CHODL: variants seen among roughly 807,000 people sequenced by gnomAD.
CHODL encodes transmembrane protein MT75.
CHODL carries 29 observed loss-of-function variants against 34.5 expected under a neutral mutation model. The ratio of observed to expected loss-of-function variants is 0.84; its 90% confidence interval spans 0.63 to 1.15. The LOEUF is 1.15. Among genes scored for constraint, CHODL ranks in the 50% most tolerant of loss-of-function variants. CHODL has a pLI of 0.00. For missense variants in CHODL, 332 were observed against 332.5 expected (o/e 1.00, Z 0.01); for synonymous variants, 125 against 116.1 (o/e 1.08, Z -0.49).
At chr21:17,989,953 A>G (rs1340954040) in intron 1 of CHODL, among the ~76,000 whole-genome samples, 2 of 152,140 alleles carry the variant, frequency 1.3e-5, no homozygotes, top group Non-Finnish European at 2.9e-5. Flanking sequence ...TAACATAACA[A>G]GAGACAGAGT....
At chr21:17,976,141 C>T (rs569470393) in intron 1 of CHODL, among the ~76,000 whole-genome samples, 18 of 152,002 alleles carry the variant, frequency 1.2e-4, no homozygotes, top group Non-Finnish European at 1.5e-4. Flanking sequence ...CATGGTGGCT[C>T]ATGCATGTAG....
intron 4 of CHODL, 82 bp from the exon 5 acceptor site, chr21:18,262,708 AT>A (rs1040235695): frequency 2.5e-6 from 2 of 791,742 alleles, no homozygotes; most frequent in Non-Finnish European, 4.2e-6. Flanking sequence ...TTTCACCTGA[AT>A]TTTTTGAAAC....
chr21:17,940,604 C>G (rs985303163), intron 1 of CHODL, among the ~76,000 whole-genome samples: 2 of 152,134 alleles, frequency 1.3e-5, no homozygotes, highest in African/African-American at 4.8e-5. Flanking sequence ...TTTTCTTGAC[C>G]TGGAGGGGAG....
chr21:18,043,649 C>G (rs1190373612), intron 2 of CHODL, among the ~76,000 whole-genome samples: 2 of 151,886 alleles, frequency 1.3e-5, no homozygotes, highest in Non-Finnish European at 2.9e-5. Context: ...CATACTCATG[C>G]TACTTTCCTG....
intron 2 of CHODL, among the ~76,000 whole-genome samples, chr21:18,208,693 C>T (rs557253196): frequency 2.0e-5 from 3 of 152,218 alleles, no homozygotes; most frequent in South Asian, 4.2e-4. Context: ...TTGGTCACTG[C>T]AGCCATATCT....
rs542750147 is a variant in CHODL, at chr21:18,256,562, T to A, written c.133T>A (p.Phe45Ile). 8.7e-6 allele frequency: 14 copies of A among 1,613,922 alleles called. No individual in the cohort carries two copies. In the African/African-American group the frequency reaches 1.9e-4, roughly 22 times the overall value. The part of the protein sequence containing the change: ...FKHPCYKMAY[F>I]HELSSRVSFQ... Reference sequence around the variant, plus strand: ...GCATCCCTGCTACAAAATGGCCTACTTCCATGAACTGTCCAGCCGAGTGAG... The same window carrying A: ...GCATCCCTGCTACAAAATGGCCTACATCCATGAACTGTCCAGCCGAGTGAG... Residue 45 changes from phenylalanine to isoleucine, a missense_variant, in exon 2 of 6, where the codon TTC (phenylalanine) becomes ATC (isoleucine). Phe to Ile is a conservative substitution (Grantham distance 21). Transcript: ENST00000299295.
At chr21:18,248,251 A>G (rs1781437598) in intron 1 of CHODL, among the ~76,000 whole-genome samples, 1 of 151,860 alleles carries the variant, frequency 6.6e-6, no homozygotes, top group African/African-American at 2.4e-5. Flanking sequence ...GGTGGTGAAC[A>G]GTAGCACATA....
chr21:17,992,327 T>C (rs2063803748), intron 1 of CHODL, among the ~76,000 whole-genome samples: 1 of 152,170 alleles, frequency 6.6e-6, no homozygotes, highest in Admixed American at 6.5e-5. Flanking sequence ...TCCATACAAA[T>C]TTTCTATTTC....
At chr21:18,118,920 C>T (rs1253411504) in intron 2 of CHODL, among the ~76,000 whole-genome samples, 1 of 152,186 alleles carries the variant, frequency 6.6e-6, no homozygotes, top group Non-Finnish European at 1.5e-5. Flanking sequence ...TGTCTTCCTT[C>T]CATCTCCTAG....
intron 2 of CHODL, among the ~76,000 whole-genome samples, chr21:18,139,210 T>C (rs1021511782): frequency 6.6e-5 from 10 of 151,808 alleles, no homozygotes; most frequent in Non-Finnish European, 4.4e-5. Flanking sequence ...GCAGTGTAGG[T>C]AGAAATTTTT....
At chr21:17,968,772 T>A (rs1004998690) in intron 1 of CHODL, among the ~76,000 whole-genome samples, 1 of 152,212 alleles carries the variant, frequency 6.6e-6, no homozygotes, top group Admixed American at 6.5e-5. Context: ...GGTATTTCTC[T>A]TAGTTGGATG....
chr21:18,098,636 T>A (rs1295406215), intron 2 of CHODL, among the ~76,000 whole-genome samples: 1 of 152,062 alleles, frequency 6.6e-6, no homozygotes, highest in Non-Finnish European at 1.5e-5. Context: ...GCAATGTAAA[T>A]TATTACAACC....
At chr21:18,146,042 C>A (rs2072882961) in intron 2 of CHODL, among the ~76,000 whole-genome samples, 1 of 152,042 alleles carries the variant, frequency 6.6e-6, no homozygotes, top group Non-Finnish European at 1.5e-5. Flanking sequence ...AATCTCGGAT[C>A]ATTGCAACCT....
At chr21:18,027,376 AAAT>A (rs922733857) in intron 1 of CHODL, among the ~76,000 whole-genome samples, 8 of 152,204 alleles carry the variant, frequency 5.3e-5, no homozygotes, top group Non-Finnish European at 1.5e-5. Flanking sequence ...GTATGGATCT[AAAT>A]AATTCTCTTC....
intron 2 of CHODL, among the ~76,000 whole-genome samples, chr21:18,226,843 A>G (rs56099389): frequency 0.09 from 13,702 of 152,182 alleles, 838 homozygotes; most frequent in African/African-American, 0.17. Context: ...TGATGGTTAC[A>G]CAGAAAAAGC....
intron 2 of CHODL, among the ~76,000 whole-genome samples, chr21:18,173,603 G>A (rs900536021): frequency 6.6e-6 from 1 of 152,036 alleles, no homozygotes; most frequent in African/African-American, 2.4e-5. Context: ...TGCTTAGGTT[G>A]GGGATTTGCT....
At chr21:18,158,399 G>A (rs1304318158) in intron 2 of CHODL, among the ~76,000 whole-genome samples, 1 of 152,166 alleles carries the variant, frequency 6.6e-6, no homozygotes, top group Non-Finnish European at 1.5e-5. Context: ...TTTGCGAGGT[G>A]TAACACAGAA....
chr21:18,232,007 G>A (rs534382785), intron 2 of CHODL, among the ~76,000 whole-genome samples: 3 of 152,042 alleles, frequency 2.0e-5, no homozygotes, highest in South Asian at 2.1e-4. Context: ...TGGTCTATGC[G>A]GAAATTTAGC....
intron 1 of CHODL, among the ~76,000 whole-genome samples, chr21:17,960,632 T>C (rs1359666333): frequency 6.6e-6 from 1 of 152,244 alleles, no homozygotes; most frequent in Non-Finnish European, 1.5e-5. Flanking sequence ...GATTCTCTTA[T>C]TCTGTTATCT....
Sources: gnomAD v4.1 joint callset for allele counts (sites outside exome capture counted in the v4.1 genomes callset) on GRCh38, gnomAD v4.1.1 for gene constraint, MANE v1.5 for transcripts, NCBI Gene and HGNC (gene_info 2026-07-23, HGNC 2026-07-21) for gene names.